The following C2orf76 variants were observed in gnomAD, a reference collection of about 807,000 sequenced individuals.
C2orf76 encodes the protein UPF0538 protein C2orf76.
A neutral mutation model predicts 16.9 loss-of-function variants in C2orf76; 23 were observed. The ratio of observed to expected loss-of-function variants is 1.36; its 90% CI spans 0.98 to 1.93. C2orf76 has a LOEUF of 1.93. Ranked by LOEUF, C2orf76 falls within the 30% of genes most tolerant of loss-of-function variation. C2orf76 has a pLI of 0.00. For missense variants in C2orf76, 152 were observed against 152.6 expected (o/e 1.00, Z 0.02); for synonymous variants, 48 against 52.3 (o/e 0.92, Z 0.35).
chr2:119,333,792 T>C (rs552337273), intron 2 of C2orf76, among the ~76,000 whole-genome samples: 9 of 152,238 alleles, frequency 5.9e-5, no homozygotes, highest in Non-Finnish European at 1.2e-4. Flanking sequence ...GTAAATTATG[T>C]AACATTCTGT....
intron 1 of C2orf76, among the ~76,000 whole-genome samples, chr2:119,363,560 C>T (rs961038652): frequency 6.6e-6 from 1 of 152,144 alleles, no homozygotes; most frequent in Non-Finnish European, 1.5e-5. Flanking sequence ...CCCTAACCCT[C>T]GCCTTATAGT....
Position 119,365,200 on chromosome 2 carries a change from G to A in C2orf76, c.-13+1590C>T, listed in dbSNP as rs1042598803. Among the ~76,000 whole-genome samples, 202 of 152,290 alleles carry A rather than the reference G, an allele frequency of 1.3e-3. 2 individuals are homozygous for A. Among genetic ancestry groups the A allele is most frequent in the African/African-American group, 4.6e-3 (193 of 41,548 alleles). On this transcript the variant is annotated intron_variant, in intron 1 of 5. Transcript: ENST00000334816. ...ACAATACCCTAACTTAAAACCTGCTGACTAGGAGATGTATTTGACTGCAAA... is the reference window on the plus strand; with the variant it reads ...ACAATACCCTAACTTAAAACCTGCTAACTAGGAGATGTATTTGACTGCAAA...
intron 1 of C2orf76, among the ~76,000 whole-genome samples, chr2:119,340,969 A>T (rs181020809): frequency 1.2e-4 from 19 of 152,030 alleles, no homozygotes; most frequent in Admixed American, 1.2e-3. Flanking sequence ...ATTCTGATGC[A>T]TTCTGAGTCT....
At chr2:119,339,375 GT>G (rs1272340190) in intron 2 of C2orf76, among the ~76,000 whole-genome samples, 1 of 152,086 alleles carries the variant, frequency 6.6e-6, no homozygotes, top group Non-Finnish European at 1.5e-5. Context: ...CCGTTTCTGT[GT>G]CTGTGACCAC....
intron 1 of C2orf76, among the ~76,000 whole-genome samples, chr2:119,348,579 G>A (rs1170664948): frequency 6.6e-6 from 1 of 152,126 alleles, no homozygotes; most frequent in Non-Finnish European, 1.5e-5. Flanking sequence ...CCAGCTACTC[G>A]GGAGGCTGAG....
chr2:119,314,402 G>A (rs1363851237), intron 4 of C2orf76, among the ~76,000 whole-genome samples: 1 of 151,982 alleles, frequency 6.6e-6, no homozygotes, highest in Non-Finnish European at 1.5e-5. Flanking sequence ...AAAAATACAT[G>A]GATTCAACTT....
intron 1 of C2orf76, among the ~76,000 whole-genome samples, chr2:119,343,882 CT>C (rs1310094205): frequency 1.3e-5 from 2 of 152,210 alleles, no homozygotes; most frequent in Non-Finnish European, 2.9e-5. Flanking sequence ...GTAGTAGCTG[CT>C]TTTGTCATTA....
At chr2:119,313,894 C>T (rs1037387409) in intron 4 of C2orf76, among the ~76,000 whole-genome samples, 1 of 151,664 alleles carries the variant, frequency 6.6e-6, no homozygotes, top group Non-Finnish European at 1.5e-5. Flanking sequence ...GAATTGTAGG[C>T]TAATTTTTCC....
At chr2:119,351,708 T>C (rs1680411816) in intron 1 of C2orf76, among the ~76,000 whole-genome samples, 1 of 151,970 alleles carries the variant, frequency 6.6e-6, no homozygotes, top group Non-Finnish European at 1.5e-5. Context: ...GAGCCAAGAT[T>C]GCACCACTAT....
chr2:119,351,531 A>T (rs1473213880), intron 1 of C2orf76, among the ~76,000 whole-genome samples: 1 of 152,110 alleles, frequency 6.6e-6, no homozygotes, highest in Non-Finnish European at 1.5e-5. Flanking sequence ...CGGGAGGATC[A>T]CTTGAGCCCA....
At chr2:119,301,112 TTC>T (rs9308775), downstream of C2orf76, among the ~76,000 whole-genome samples, 22,696 of 135,858 alleles carry the variant, frequency 0.17, 4,318 homozygotes, top group African/African-American at 0.49. Flanking sequence ...CACAACTAAT[TTC>T]TGTCAACAAT....
At chr2:119,328,452 T>C (rs191419226) in intron 2 of C2orf76, among the ~76,000 whole-genome samples, 16 of 152,314 alleles carry the variant, frequency 1.1e-4, no homozygotes, top group African/African-American at 3.6e-4. Context: ...AGAAAGTCTG[T>C]AGTGATATGA....
chr2:119,338,410 T>C (rs960966115), intron 2 of C2orf76, among the ~76,000 whole-genome samples: 1 of 152,240 alleles, frequency 6.6e-6, no homozygotes, highest in Non-Finnish European at 1.5e-5. Flanking sequence ...CTAGCCTTAG[T>C]ATTCAGTTTC....
chr2:119,334,918 G>A (rs1007173106), intron 2 of C2orf76, among the ~76,000 whole-genome samples: 1 of 152,124 alleles, frequency 6.6e-6, no homozygotes, highest in Admixed American at 6.6e-5. Flanking sequence ...GTATCTAACT[G>A]ATATCAAGTT....
chr2:119,339,754 G>T, intron 2 of C2orf76, 73 bp downstream of exon 2: 1 of 1,439,154 alleles, frequency 6.9e-7, no homozygotes, highest in Non-Finnish European at 9.6e-7. Flanking sequence ...ATTTGTTAAA[G>T]ATTATTATTA....
chr2:119,340,614 G>A (rs1465535728), intron 1 of C2orf76, among the ~76,000 whole-genome samples: 3 of 152,052 alleles, frequency 2.0e-5, no homozygotes, highest in Non-Finnish European at 4.4e-5. Flanking sequence ...ATGGTTTCGT[G>A]AGAGAATTAA....
At chr2:119,299,300 A>C (rs758962992), downstream of C2orf76, among the ~76,000 whole-genome samples, 33 of 152,224 alleles carry the variant, frequency 2.2e-4, no homozygotes, top group Non-Finnish European at 4.1e-4. Flanking sequence ...TCATCAAGTT[A>C]AGGGTATTTC....
chr2:119,343,415 T>C (rs2104612265), intron 1 of C2orf76, among the ~76,000 whole-genome samples: 1 of 151,848 alleles, frequency 6.6e-6, no homozygotes, highest in East Asian at 1.9e-4. Flanking sequence ...CTCCCTCTTC[T>C]CACCCCCTAA....
At chr2:119,290,414 T>A in the C2orf76 span, among the ~76,000 whole-genome samples, 1 of 152,060 alleles carries the variant, frequency 6.6e-6, no homozygotes, top group African/African-American at 2.4e-5. Flanking sequence ...TTAGTCTTCT[T>A]TTTAGAAATG....
Sources: gnomAD v4.1 joint callset for allele counts (sites outside exome capture counted in the v4.1 genomes callset) on GRCh38, gnomAD v4.1.1 for gene constraint, MANE v1.5 for transcripts, NCBI Gene and HGNC (gene_info 2026-07-23, HGNC 2026-07-21) for gene names.